Variants in PHACTR3 observed in about 807,000 individuals in gnomAD.
PHACTR3 encodes the protein protein phosphatase 1, regulatory subunit 123.
PHACTR3 carries 16 observed loss-of-function variants against 66.8 expected under a neutral mutation model. The observed-to-expected ratio is 0.24, with a 90% confidence interval of 0.16 to 0.36. The LOEUF is 0.36. Among genes scored for constraint, PHACTR3 ranks in the 10% least tolerant of loss-of-function variants. The probability of loss-of-function intolerance (pLI) is 1.00; values close to 1 mark genes in which losing one functional copy is unlikely to be tolerated. For synonymous variants in PHACTR3, 323 were observed against 292.1 expected (o/e 1.11, Z -1.08); for missense variants, 647 against 719.9 (o/e 0.90, Z 1.16).
chr20:59,583,556 G>T (rs575336867), intron 1 of PHACTR3, among the ~76,000 whole-genome samples: 1 of 152,240 alleles, frequency 6.6e-6, no homozygotes, highest in African/African-American at 2.4e-5. Flanking sequence ...GAGGCTCCCC[G>T]CGTGCCCGCC....
chr20:59,838,317 C>G (rs534931899), intron 9 of PHACTR3, among the ~76,000 whole-genome samples: 1 of 152,282 alleles, frequency 6.6e-6, no homozygotes, highest in South Asian at 2.1e-4. Context: ...GGACTTCAAG[C>G]ACTCATACTG....
chr20:59,649,474 G>A (rs537247577), intron 1 of PHACTR3, among the ~76,000 whole-genome samples: 2 of 152,190 alleles, frequency 1.3e-5, no homozygotes, highest in South Asian at 2.1e-4. Flanking sequence ...GTTGTAACTC[G>A]GGGGATAAAT....
intron 1 of PHACTR3, among the ~76,000 whole-genome samples, chr20:59,734,346 A>G (rs184977879): frequency 2.6e-5 from 4 of 152,174 alleles, no homozygotes; most frequent in South Asian, 2.1e-4. Context: ...GGAATTCCTG[A>G]GCTCAAGCAA....
intron 1 of PHACTR3, among the ~76,000 whole-genome samples, chr20:59,616,201 T>C (rs531300546): frequency 1.4e-4 from 22 of 152,290 alleles, no homozygotes; most frequent in African/African-American, 4.1e-4. Context: ...TGAGATGAGA[T>C]GAATTCTGTA....
chr20:59,805,837 C>T (rs1348615272), intron 7 of PHACTR3, among the ~76,000 whole-genome samples: 1 of 152,228 alleles, frequency 6.6e-6, no homozygotes, highest in Non-Finnish European at 1.5e-5. Flanking sequence ...GAGATGGTGA[C>T]ATCACCTTAC....
chr20:59,690,151 T>C (rs1304291364), intron 1 of PHACTR3, among the ~76,000 whole-genome samples: 1 of 152,140 alleles, frequency 6.6e-6, no homozygotes, highest in Non-Finnish European at 1.5e-5. Context: ...CTCCTGCACC[T>C]CTGGCCTCAT....
intron 7 of PHACTR3, among the ~76,000 whole-genome samples, chr20:59,792,896 T>TTTATG (rs2041144825): frequency 6.6e-6 from 1 of 152,122 alleles, no homozygotes; most frequent in African/African-American, 2.4e-5. Flanking sequence ...TTTATTTTAT[T>TTTATG]TTTTTAGAGA....
chr20:59,599,446 C>A (rs1359312039), intron 1 of PHACTR3, among the ~76,000 whole-genome samples: 1 of 152,096 alleles, frequency 6.6e-6, no homozygotes, highest in Non-Finnish European at 1.5e-5. Flanking sequence ...CGTCTAAGTG[C>A]CCGCAAGAAG....
chr20:59,612,045 G>A (rs1015219964), intron 1 of PHACTR3, among the ~76,000 whole-genome samples: 1 of 152,192 alleles, frequency 6.6e-6, no homozygotes, highest in African/African-American at 2.4e-5. Flanking sequence ...GGTGCAGGTA[G>A]TGGGTGTGTC....
intron 5 of PHACTR3, among the ~76,000 whole-genome samples, chr20:59,771,654 C>T (rs1233178614): frequency 6.6e-6 from 1 of 152,070 alleles, no homozygotes; most frequent in Non-Finnish European, 1.5e-5. Flanking sequence ...CTCTATTCTA[C>T]AATCATCTGC....
chr20:59,765,775 G>A (rs1018794955), intron 4 of PHACTR3, among the ~76,000 whole-genome samples: 1 of 152,124 alleles, frequency 6.6e-6, no homozygotes, highest in Non-Finnish European at 1.5e-5. Flanking sequence ...CAGCTCTTGG[G>A]TACCTCCAGA....
At chr20:59,661,798 A>T (rs2035814261) in intron 1 of PHACTR3, among the ~76,000 whole-genome samples, 1 of 151,964 alleles carries the variant, frequency 6.6e-6, no homozygotes, top group African/African-American at 2.4e-5. Flanking sequence ...AAGTCAAATC[A>T]GATGGAAACC....
chr20:59,819,551 A>G (rs1272992214), intron 8 of PHACTR3, among the ~76,000 whole-genome samples: 1 of 151,798 alleles, frequency 6.6e-6, no homozygotes, highest in African/African-American at 2.4e-5. Context: ...AAAAAAAAAA[A>G]AAGAAAACAA....
chr20:59,639,227 C>A (rs911148), intron 1 of PHACTR3, among the ~76,000 whole-genome samples: 99,453 of 151,836 alleles, frequency 0.66, 32,667 homozygotes, highest in Non-Finnish European at 0.67. Flanking sequence ...GGTGGAAGGA[C>A]AGGTATTTGG....
intron 1 of PHACTR3, among the ~76,000 whole-genome samples, chr20:59,598,754 C>T (rs16982944): frequency 0.017 from 2,626 of 152,258 alleles, 70 homozygotes; most frequent in African/African-American, 0.059. Flanking sequence ...AAGTTCAAGG[C>T]TACGTCGTCA....
chr20:59,637,895 C>A (rs1182507188), intron 1 of PHACTR3, among the ~76,000 whole-genome samples: 1 of 152,128 alleles, frequency 6.6e-6, no homozygotes, highest in African/African-American at 2.4e-5. Flanking sequence ...GCACATAGTT[C>A]TTTACATACT....
intron 7 of PHACTR3, among the ~76,000 whole-genome samples, chr20:59,784,472 G>A (rs6128694): frequency 6.6e-6 from 1 of 152,040 alleles, no homozygotes; most frequent in South Asian, 2.1e-4. Context: ...AGCTGCCAGG[G>A]TGGAGAACCA....
At chr20:59,753,893 A>G (rs1226882953) in intron 3 of PHACTR3, among the ~76,000 whole-genome samples, 2 of 152,072 alleles carry the variant, frequency 1.3e-5, no homozygotes, top group Non-Finnish European at 2.9e-5. Flanking sequence ...GGTCCTATGG[A>G]CCCTGACCCT....
At chr20:59,696,801 C>T (rs2037315360) in intron 1 of PHACTR3, among the ~76,000 whole-genome samples, 2 of 152,168 alleles carry the variant, frequency 1.3e-5, no homozygotes, top group African/African-American at 4.8e-5. Flanking sequence ...GGCCTCGGCT[C>T]TGCTTTTGGG....
Sources: gnomAD v4.1 joint callset for allele counts (sites outside exome capture counted in the v4.1 genomes callset) on GRCh38, gnomAD v4.1.1 for gene constraint, MANE v1.5 for transcripts, NCBI Gene and HGNC (gene_info 2026-07-23, HGNC 2026-07-21) for gene names.